Variants in RGS17 observed in about 807,000 individuals in gnomAD.
The protein encoded by RGS17 is regulator of G-protein signaling 17.
In RGS17, 12 loss-of-function variants were observed where a neutral mutation model predicts 25.5. The ratio of observed to expected loss-of-function variants is 0.47; its 90% confidence interval spans 0.30 to 0.76. The LOEUF (loss-of-function observed/expected upper bound fraction) is 0.76. Ranked by LOEUF, RGS17 falls within the 30% of genes least tolerant of loss-of-function variation. The pLI is 0.07. For missense variants in RGS17, 196 were observed against 242.2 expected, an observed-to-expected ratio of 0.81 and a Z score of 1.27; for synonymous variants, 71 against 76.9, an observed-to-expected ratio of 0.92 and a Z score of 0.40.
intron 1 of RGS17, among the ~76,000 whole-genome samples, chr6:153,090,729 G>A (rs1375903456): frequency 6.6e-6 from 1 of 152,204 alleles, no homozygotes; most frequent in African/African-American, 2.4e-5. Context: ...TCCAGCCCAG[G>A]ATGTGAATCA....
At chr6:153,126,616 C>G (rs1777708174) in intron 1 of RGS17, among the ~76,000 whole-genome samples, 1 of 152,134 alleles carries the variant, frequency 6.6e-6, no homozygotes, top group African/African-American at 2.4e-5. Flanking sequence ...ATCAGTATGT[C>G]AAAAAGTAAT....
chr6:153,046,775 C>T (rs4599660), intron 1 of RGS17, among the ~76,000 whole-genome samples: 58,727 of 151,742 alleles, frequency 0.39, 12,103 homozygotes, highest in East Asian at 0.62. Context: ...AGATTTTCTT[C>T]ATAAGGGGAA....
intron 2 of RGS17, among the ~76,000 whole-genome samples, chr6:153,034,049 A>G (rs1218277610): frequency 6.6e-6 from 1 of 152,194 alleles, no homozygotes; most frequent in Non-Finnish European, 1.5e-5. Flanking sequence ...TCCCTATCAT[A>G]AAAAGGAGAG....
chr6:153,051,468 T>C (rs1330418195), intron 1 of RGS17, among the ~76,000 whole-genome samples: 1 of 152,238 alleles, frequency 6.6e-6, no homozygotes, highest in Non-Finnish European at 1.5e-5. Context: ...AACATGTTAT[T>C]ATCTTCATTA....
chr6:153,101,782 TC>T (rs1562334389), intron 1 of RGS17, among the ~76,000 whole-genome samples: 3 of 58,852 alleles, frequency 5.1e-5, no homozygotes, highest in Admixed American at 1.6e-4. Flanking sequence ...ATGTGGTACT[TC>T]CCCCTTCACT....
At position 153,005,087 on chromosome 6, in the gene RGS17, CTT is replaced by C. The variant is rs1438573818; in HGVS notation, c.*6485_*6486del. Reference sequence around the variant, plus strand: ...CGGTTAAAGCTAGCGGGAAATAGGTCTTTTACATTATTTCAATATTCAGTGTT... The same window carrying C: ...CGGTTAAAGCTAGCGGGAAATAGGTCTTACATTATTTCAATATTCAGTGTT... On this transcript the variant is annotated 3_prime_UTR_variant, in exon 5 of 5. Transcript: ENST00000206262. 1.3e-5 allele frequency: 2 copies of C among 152,094 alleles called. No individual in the cohort carries two copies. The highest frequency in any genetic ancestry group is 4.8e-5 in the African/African-American group (2 of 41,422). The allele number at this position is 152,094 out of a possible 1,614,324, so 9.4% of individuals were successfully genotyped here. A position where few individuals can be genotyped will look rare whatever the true frequency, so the allele number is the denominator to read the frequency against.
intron 1 of RGS17, among the ~76,000 whole-genome samples, chr6:153,112,153 G>T (rs1777480281): frequency 1.3e-5 from 2 of 152,080 alleles, no homozygotes; most frequent in African/African-American, 4.8e-5. Context: ...AAAGAAGCAT[G>T]TTCTAACCCA....
intron 1 of RGS17, among the ~76,000 whole-genome samples, chr6:153,071,176 A>G (rs1430881903): frequency 6.7e-6 from 1 of 150,046 alleles, no homozygotes; most frequent in Non-Finnish European, 1.5e-5. Flanking sequence ...ACACTCATAT[A>G]TATCTTATAT....
At chr6:153,084,362 T>C (rs1439142561) in intron 1 of RGS17, among the ~76,000 whole-genome samples, 1 of 152,198 alleles carries the variant, frequency 6.6e-6, no homozygotes, top group East Asian at 1.9e-4. Flanking sequence ...CTAGAGTGGA[T>C]TCTAAAACCA....
chr6:153,125,073 T>C (rs1444343580), intron 1 of RGS17, among the ~76,000 whole-genome samples: 1 of 152,168 alleles, frequency 6.6e-6, no homozygotes, highest in African/African-American at 2.4e-5. Flanking sequence ...TAAAATGAAA[T>C]AAACACTCAC....
chr6:153,085,302 T>C (rs749207330), intron 1 of RGS17, among the ~76,000 whole-genome samples: 1 of 152,174 alleles, frequency 6.6e-6, no homozygotes, highest in Non-Finnish European at 1.5e-5. Flanking sequence ...TTCGAGGGAC[T>C]TCAGAGATTA....
chr6:153,050,354 A>G (rs893521020), intron 1 of RGS17, among the ~76,000 whole-genome samples: 3 of 152,198 alleles, frequency 2.0e-5, no homozygotes, highest in Non-Finnish European at 4.4e-5. Flanking sequence ...TGGAAGATAC[A>G]AAGGAATATT....
At chr6:153,020,111 A>AAAATATATATATATATATATATAT (rs1426592195) in intron 4 of RGS17, among the ~76,000 whole-genome samples, 1 of 58,460 alleles carries the variant, frequency 1.7e-5, no homozygotes, top group African/African-American at 6.4e-5. Flanking sequence ...AAAAAAAAAA[A>AAAATATATATATATATATATATAT]ATATATATAT....
chr6:153,047,328 T>A (rs934424878), intron 1 of RGS17, among the ~76,000 whole-genome samples: 1 of 152,222 alleles, frequency 6.6e-6, no homozygotes, highest in South Asian at 2.1e-4. Context: ...TCTGTTTAGA[T>A]ACACTCAAGA....
rs1779103631 is a variant in RGS17, at chr6:153,008,831, A to G, written c.*2743T>C. ...ACACCAGTTGAAGGCTCTTTTGTTTATTTATAATAGCTCTGTAACTTAAAC... is the reference window on the plus strand; with the variant it reads ...ACACCAGTTGAAGGCTCTTTTGTTTGTTTATAATAGCTCTGTAACTTAAAC... On this transcript the variant is annotated 3_prime_UTR_variant, in exon 5 of 5. Coordinates refer to ENST00000206262, the MANE Select transcript of RGS17 (RefSeq NM_012419.5). The G allele has an allele frequency of 6.6e-6, 1 of 152,198 alleles. No individual in the cohort carries two copies. Among genetic ancestry groups the G allele is most frequent in the African/African-American group, 2.4e-5 (1 of 41,466 alleles). 9.4% of individuals were successfully genotyped at this position (152,198 alleles called of 1,614,324 possible).
At chr6:153,048,395 C>A (rs117249836) in intron 1 of RGS17, among the ~76,000 whole-genome samples, 3,229 of 152,264 alleles carry the variant, frequency 0.021, 53 homozygotes, top group Non-Finnish European at 0.027. Flanking sequence ...CTATCTCCTT[C>A]TATTACAATT....
chr6:153,079,309 C>T (rs1050492227), intron 1 of RGS17, among the ~76,000 whole-genome samples: 1 of 152,108 alleles, frequency 6.6e-6, no homozygotes, highest in African/African-American at 2.4e-5. Flanking sequence ...AACTCCTGAC[C>T]TCAGGTGATC....
chr6:153,103,358 C>T (rs781401843), intron 1 of RGS17, among the ~76,000 whole-genome samples: 19 of 152,076 alleles, frequency 1.2e-4, no homozygotes, highest in Non-Finnish European at 2.2e-4. Context: ...ACCACTGATA[C>T]GATAGTTATA....
At chr6:153,067,705 A>G (rs1006010750) in intron 1 of RGS17, among the ~76,000 whole-genome samples, 5 of 152,186 alleles carry the variant, frequency 3.3e-5, no homozygotes, top group Non-Finnish European at 5.9e-5. Context: ...GGATTGGAAG[A>G]ATCAATATTG....
Sources: allele counts gnomAD v4.1 joint callset (sites outside exome capture counted in the v4.1 genomes callset), GRCh38; gene constraint gnomAD v4.1.1; transcripts MANE v1.5; gene names NCBI Gene and HGNC (gene_info 2026-07-23, HGNC 2026-07-21).